The following ADAMTS17 variants were observed in gnomAD, a reference collection of about 807,000 sequenced individuals.
The protein encoded by ADAMTS17 is ADAM metallopeptidase with thrombospondin type 1 motif 17.
A neutral mutation model predicts 141.5 loss-of-function variants in ADAMTS17; 113 were observed. That is an observed-to-expected ratio of 0.80 (90% CI 0.69 to 0.93). The LOEUF (loss-of-function observed/expected upper bound fraction) is 0.93. Among genes scored for constraint, ADAMTS17 ranks in the 40% least tolerant of loss-of-function variants. The probability of loss-of-function intolerance (pLI) is 0.00; values close to 1 mark genes in which losing one functional copy is unlikely to be tolerated. For missense variants in ADAMTS17, 1,659 were observed against 1,517.9 expected (o/e 1.09, Z -1.54); for synonymous variants, 768 against 630.6 (o/e 1.22, Z -3.27).
intron 15 of ADAMTS17, among the ~76,000 whole-genome samples, chr15:100,068,505 T>G (rs796075440): frequency 6.6e-6 from 1 of 152,148 alleles, no homozygotes; most frequent in Non-Finnish European, 1.5e-5. Context: ...CACCCCCCAG[T>G]AGGGGCAGAC....
chr15:100,101,873 C>T (rs1016905643), intron 14 of ADAMTS17, among the ~76,000 whole-genome samples: 3 of 152,146 alleles, frequency 2.0e-5, no homozygotes, highest in Non-Finnish European at 4.4e-5. Flanking sequence ...GGGAGGCCAC[C>T]GACTTCTTGA....
At chr15:100,056,634 C>T (rs540332358) in intron 15 of ADAMTS17, among the ~76,000 whole-genome samples, 14 of 152,302 alleles carry the variant, frequency 9.2e-5, no homozygotes, top group African/African-American at 3.1e-4. Flanking sequence ...CATGCTCGCT[C>T]GCAGGGCACT....
intron 18 of ADAMTS17, among the ~76,000 whole-genome samples, chr15:100,029,851 G>C (rs1306844782): frequency 2.0e-5 from 3 of 152,182 alleles, no homozygotes; most frequent in East Asian, 1.9e-4. Context: ...TCTCAATGCA[G>C]TCCCTGGACC....
At chr15:100,118,325 C>A (rs1456627170) in intron 12 of ADAMTS17, among the ~76,000 whole-genome samples, 2 of 152,256 alleles carry the variant, frequency 1.3e-5, no homozygotes, top group Non-Finnish European at 2.9e-5. Flanking sequence ...AACTCCTGGT[C>A]TACCCAGTTG....
chr15:100,101,174 C>T (rs944959036), intron 14 of ADAMTS17, among the ~76,000 whole-genome samples: 36 of 152,218 alleles, frequency 2.4e-4, no homozygotes, highest in African/African-American at 7.7e-4. Flanking sequence ...GCCAGGCTGG[C>T]TCTTCCTCAA....
chr15:100,206,502 T>C (rs1169254898), intron 7 of ADAMTS17, among the ~76,000 whole-genome samples: 1 of 152,200 alleles, frequency 6.6e-6, no homozygotes, highest in Non-Finnish European at 1.5e-5. Context: ...CGGTCAATAA[T>C]TTTAAAATGA....
chr15:100,064,410 G>A (rs551811494), intron 15 of ADAMTS17, among the ~76,000 whole-genome samples: 1 of 152,276 alleles, frequency 6.6e-6, no homozygotes, highest in African/African-American at 2.4e-5. Context: ...CATAGCAAAA[G>A]AATATAGCCT....
intron 3 of ADAMTS17, among the ~76,000 whole-genome samples, chr15:100,313,669 G>C (rs2045473012): frequency 6.6e-6 from 1 of 152,216 alleles, no homozygotes; most frequent in Non-Finnish European, 1.5e-5. Flanking sequence ...CTCCTGATAA[G>C]ATGCACTGAG....
At chr15:100,000,128 T>C (rs994314994) in intron 18 of ADAMTS17, among the ~76,000 whole-genome samples, 4 of 152,172 alleles carry the variant, frequency 2.6e-5, no homozygotes, top group Non-Finnish European at 4.4e-5. Flanking sequence ...TTAGCTATCA[T>C]TGCTGTCATT....
At chr15:100,307,725 G>C (rs553943629) in intron 3 of ADAMTS17, among the ~76,000 whole-genome samples, 273 of 152,292 alleles carry the variant, frequency 1.8e-3, no homozygotes, top group Non-Finnish European at 3.1e-3. Context: ...CCGATGTCAC[G>C]TGCCGCGTGC....
intron 20 of ADAMTS17, chr15:99,980,896 GA>G: frequency 6.6e-6 from 1 of 152,368 alleles, no homozygotes; most frequent in Non-Finnish European, 1.5e-5. Context: ...GGGCCGAGGG[GA>G]AAAGGCTGAC....
intron 14 of ADAMTS17, among the ~76,000 whole-genome samples, chr15:100,097,022 G>A (rs930639110): frequency 6.6e-6 from 1 of 152,178 alleles, no homozygotes; most frequent in African/African-American, 2.4e-5. Context: ...CAGGTAGGAA[G>A]ACCTAGTCTA....
intron 4 of ADAMTS17, among the ~76,000 whole-genome samples, chr15:100,269,152 C>T (rs551787398): frequency 1.3e-5 from 2 of 152,236 alleles, no homozygotes; most frequent in African/African-American, 2.4e-5. Flanking sequence ...AGATTAAATG[C>T]GAGTCCTCAA....
rs145943574 is a variant in ADAMTS17 at position 100,295,257 on chromosome 15, C to T, written c.617-13856G>A. ...CCATTTCCCATTCTGCCTCTTGTCT[C>T]CCAGCCCCTCTTCTGCACGCTGCTC... On this transcript the variant is annotated intron_variant, in intron 3 of 21. Transcript: ENST00000268070. 5.4e-4 allele frequency among the ~76,000 whole-genome samples: 82 copies of T among 152,272 alleles called. 2 individuals are homozygous for T. Among genetic ancestry groups the T allele is most frequent in the African/African-American group, 1.9e-3 (81 of 41,550 alleles).
intron 8 of ADAMTS17, among the ~76,000 whole-genome samples, chr15:100,190,143 A>C (rs1387153708): frequency 1.3e-5 from 2 of 152,218 alleles, no homozygotes; most frequent in African/African-American, 4.8e-5. Flanking sequence ...CTCGCTAAGA[A>C]AATGATAACC....
intron 10 of ADAMTS17, among the ~76,000 whole-genome samples, chr15:100,149,624 T>C (rs570542504): frequency 1.3e-5 from 2 of 152,138 alleles, no homozygotes; most frequent in Non-Finnish European, 2.9e-5. Flanking sequence ...TTTCTCTCTT[T>C]GAAATAGCCA....
At chr15:100,279,556 T>A (rs2044214066) in intron 4 of ADAMTS17, among the ~76,000 whole-genome samples, 1 of 152,186 alleles carries the variant, frequency 6.6e-6, no homozygotes, top group South Asian at 2.1e-4. Context: ...CTCCCTTCCA[T>A]AAGCGGCCTG....
intron 8 of ADAMTS17, among the ~76,000 whole-genome samples, chr15:100,179,516 G>C (rs1046618206): frequency 6.6e-6 from 1 of 152,188 alleles, no homozygotes. Flanking sequence ...TGCGAGTGCA[G>C]ATATCTCTTT....
At chr15:100,005,802 A>G (rs2061026275) in intron 18 of ADAMTS17, among the ~76,000 whole-genome samples, 1 of 152,204 alleles carries the variant, frequency 6.6e-6, no homozygotes, top group African/African-American at 2.4e-5. Context: ...ATTCCCTCAC[A>G]GTTTTGGAGG....
Sources: allele counts gnomAD v4.1 joint callset (sites outside exome capture counted in the v4.1 genomes callset), GRCh38; gene constraint gnomAD v4.1.1; transcripts MANE v1.5; gene names NCBI Gene and HGNC (gene_info 2026-07-23, HGNC 2026-07-21).